The following GPC6 variants were observed in gnomAD, a reference collection of about 807,000 sequenced individuals.
GPC6 encodes the protein glypican 6, also known as glypican-6.
A neutral mutation model predicts 55.2 loss-of-function variants in GPC6; 14 were observed. The observed-to-expected ratio is 0.25, with a 90% CI of 0.17 to 0.40. The LOEUF is 0.40. Ranked by LOEUF, GPC6 falls within the 10% of genes least tolerant of loss-of-function variation. The pLI is 1.00. For synonymous variants in GPC6, 278 were observed against 259.6 expected, an observed-to-expected ratio of 1.07 and a Z score of -0.68; for missense variants, 641 against 708.5, an observed-to-expected ratio of 0.90 and a Z score of 1.08.
intron 2 of GPC6, among the ~76,000 whole-genome samples, chr13:93,609,038 C>G (rs961631220): frequency 3.3e-5 from 5 of 152,154 alleles, no homozygotes; most frequent in Non-Finnish European, 7.4e-5. Context: ...TCTTAAGCAA[C>G]AAACTAAAGC....
chr13:93,903,736 G>A (rs553518504), intron 3 of GPC6, among the ~76,000 whole-genome samples: 2 of 152,216 alleles, frequency 1.3e-5, no homozygotes, highest in East Asian at 3.9e-4. Flanking sequence ...TGGGACCTAA[G>A]AAGTTTTTCT....
intron 2 of GPC6, among the ~76,000 whole-genome samples, chr13:93,765,253 CAGATAAG>C (rs1885082942): frequency 1.3e-5 from 1 of 78,312 alleles, no homozygotes; most frequent in Non-Finnish European, 3.7e-5. Flanking sequence ...GACAACTTTC[CAGATAAG>C]CTGTCTGGAA....
chr13:94,108,110 C>T (rs761678014), intron 4 of GPC6, among the ~76,000 whole-genome samples: 2 of 151,998 alleles, frequency 1.3e-5, no homozygotes, highest in Non-Finnish European at 2.9e-5. Flanking sequence ...TAGCACAATT[C>T]GCAACTGCAA....
chr13:93,947,754 C>T (rs1879077577), intron 3 of GPC6, among the ~76,000 whole-genome samples: 1 of 151,342 alleles, frequency 6.6e-6, no homozygotes, highest in Non-Finnish European at 1.5e-5. Context: ...TTTTTCGCCA[C>T]CACAATCAGA....
At chr13:93,990,375 A>T (rs1204668816) in intron 3 of GPC6, among the ~76,000 whole-genome samples, 1 of 152,104 alleles carries the variant, frequency 6.6e-6, no homozygotes, top group African/African-American at 2.4e-5. Flanking sequence ...TGTGACTTTC[A>T]GGGCCTGCAT....
rs117316072 is a variant in GPC6, at chr13:93,411,440, A to G, written c.161-133823A>G. Among the ~76,000 whole-genome samples the G allele has an allele frequency of 2.2e-3, 332 of 152,272 alleles. 11 individuals are homozygous for G. The East Asian group carries it at 0.06, about 28-fold the overall frequency. On this transcript the variant is annotated intron_variant, in intron 1 of 8. Transcript: ENST00000377047. ...GGCTACAGACGTGGAGCAGAGAGTG[A>G]AATTTTTCAAATGTTGATTGAGAAA...
intron 1 of GPC6, among the ~76,000 whole-genome samples, chr13:93,350,650 C>A (rs901233963): frequency 2.6e-5 from 4 of 152,100 alleles, no homozygotes; most frequent in African/African-American, 9.7e-5. Flanking sequence ...CAGTTCATTT[C>A]TCACTGTGGT....
intron 1 of GPC6, among the ~76,000 whole-genome samples, chr13:93,443,939 A>G (rs549515880): frequency 6.6e-6 from 1 of 152,322 alleles, no homozygotes; most frequent in Non-Finnish European, 1.5e-5. Context: ...TAAAAATAGA[A>G]ATCATTTAGA....
chr13:93,614,446 T>C (rs182049767), intron 2 of GPC6, among the ~76,000 whole-genome samples: 2 of 152,168 alleles, frequency 1.3e-5, no homozygotes, highest in East Asian at 3.9e-4. Flanking sequence ...ACTTTACTTC[T>C]ATGTATCTCT....
At chr13:94,115,308 G>A (rs748990184) in intron 4 of GPC6, among the ~76,000 whole-genome samples, 31 of 152,002 alleles carry the variant, frequency 2.0e-4, no homozygotes, top group Non-Finnish European at 3.8e-4. Flanking sequence ...GATTTGAAAC[G>A]CACTGGTAAT....
chr13:94,104,926 A>C (rs1363745293), intron 4 of GPC6, among the ~76,000 whole-genome samples: 1 of 152,144 alleles, frequency 6.6e-6, no homozygotes, highest in East Asian at 1.9e-4. Context: ...CATCCCCATC[A>C]AGCTATCAAT....
chr13:94,033,587 G>A (rs1222151746), intron 4 of GPC6, among the ~76,000 whole-genome samples: 1 of 152,174 alleles, frequency 6.6e-6, no homozygotes, highest in Non-Finnish European at 1.5e-5. Flanking sequence ...ATAGGCAGAA[G>A]GAACGATTTC....
At chr13:93,789,639 A>ATATATATAGTATT in intron 2 of GPC6, among the ~76,000 whole-genome samples, 1 of 100,060 alleles carries the variant, frequency 1.0e-5, no homozygotes, top group African/African-American at 3.7e-5. Context: ...ATATATATAT[A>ATATATATAGTATT]TATATAGTAT....
At chr13:93,876,162 T>C (rs1889287452) in intron 3 of GPC6, among the ~76,000 whole-genome samples, 1 of 151,974 alleles carries the variant, frequency 6.6e-6, no homozygotes, top group Admixed American at 6.6e-5. Flanking sequence ...AGCACCTATT[T>C]GCACTCTTTT....
intron 4 of GPC6, among the ~76,000 whole-genome samples, chr13:94,149,707 T>TAA (rs1164741790): frequency 6.6e-6 from 1 of 152,032 alleles, no homozygotes; most frequent in Non-Finnish European, 1.5e-5. Flanking sequence ...AGTCAGAGGC[T>TAA]AACAAGGTCT....
chr13:93,421,810 T>A (rs1876933217), intron 1 of GPC6, among the ~76,000 whole-genome samples: 1 of 152,174 alleles, frequency 6.6e-6, no homozygotes, highest in Non-Finnish European at 1.5e-5. Flanking sequence ...GAAAGTTGTT[T>A]TTTATTAGCT....
intron 2 of GPC6, among the ~76,000 whole-genome samples, chr13:93,777,065 A>G (rs1885494112): frequency 1.3e-5 from 2 of 152,172 alleles, no homozygotes; most frequent in South Asian, 2.1e-4. Flanking sequence ...AGCAAATTCC[A>G]AAAAGGACAT....
chr13:94,246,585 A>T (rs1891201113), intron 4 of GPC6, among the ~76,000 whole-genome samples: 1 of 152,126 alleles, frequency 6.6e-6, no homozygotes, highest in Admixed American at 6.6e-5. Context: ...GTATAAATCC[A>T]GTTTTCCCAG....
chr13:93,591,308 A>G (rs942287181), intron 2 of GPC6, among the ~76,000 whole-genome samples: 1 of 151,806 alleles, frequency 6.6e-6, no homozygotes, highest in Non-Finnish European at 1.5e-5. Flanking sequence ...CTAAAAATAC[A>G]AAAAAATTAG....
Sources: gnomAD v4.1 joint callset for allele counts (sites outside exome capture counted in the v4.1 genomes callset) on GRCh38, gnomAD v4.1.1 for gene constraint, MANE v1.5 for transcripts, NCBI Gene and HGNC (gene_info 2026-07-23, HGNC 2026-07-21) for gene names.